TASP1: variants seen among roughly 807,000 people sequenced by gnomAD.
The protein encoded by TASP1 is threonine aspartase 1.
In TASP1, 16 loss-of-function variants were observed where a neutral mutation model predicts 56.6. The observed-to-expected ratio is 0.28, with a 90% CI of 0.19 to 0.43. The LOEUF (loss-of-function observed/expected upper bound fraction) is 0.43, where lower values mean the gene tolerates loss of function less well. TASP1 is among the 20% of genes least tolerant of loss of function. TASP1 has a pLI of 1.00. For synonymous variants in TASP1, 179 were observed against 184.2 expected (o/e 0.97, Z 0.23); for missense variants, 393 against 511.6 (o/e 0.77, Z 2.24).
chr20:13,550,617 C>G (rs550457991), intron 8 of TASP1, among the ~76,000 whole-genome samples: 41 of 152,152 alleles, frequency 2.7e-4, no homozygotes, highest in Middle Eastern at 3.4e-3. Context: ...CTCATATATT[C>G]ATATACTAAT....
the TASP1 span, chr20:13,221,855 T>C: frequency 1.5e-4 from 212 of 1,433,900 alleles, 2 homozygotes; most frequent in East Asian, 5.6e-3. Flanking sequence ...GCTGCGCGGC[T>C]CGGGAGCCGC....
the TASP1 span, among the ~76,000 whole-genome samples, chr20:13,381,368 G>A: frequency 4.0e-4 from 61 of 152,144 alleles, no homozygotes; most frequent in Non-Finnish European, 7.1e-4. Flanking sequence ...GTGAGGCTAC[G>A]TGCCACCCTG....
the TASP1 span, among the ~76,000 whole-genome samples, chr20:13,124,295 G>A: frequency 6.6e-6 from 1 of 151,922 alleles, no homozygotes; most frequent in South Asian, 2.1e-4. Flanking sequence ...ATACTTGCTG[G>A]AAGGAAAGAT....
In TASP1 at chr20:13,412,732, G is replaced by A. The variant is rs79476932; in HGVS notation, c.1170+4716C>T. 1.9e-3 allele frequency among the ~76,000 whole-genome samples: 291 copies of A among 152,176 alleles called. 1 individual carries two copies. The highest frequency in any genetic ancestry group is 3.6e-3 in the Non-Finnish European group (245 of 67,996). Reference sequence around the variant, plus strand: ...AACCATCTTCATGAAGATAAAACATGTTAGAACACAGTAGGTACTATATTG... The same window carrying A: ...AACCATCTTCATGAAGATAAAACATATTAGAACACAGTAGGTACTATATTG... On this transcript the variant is annotated intron_variant, in intron 13 of 13. Coordinates refer to ENST00000337743, the MANE Select transcript of TASP1 (RefSeq NM_017714.3).
chr20:13,364,746 G>A, the TASP1 span, among the ~76,000 whole-genome samples: 11 of 152,184 alleles, frequency 7.2e-5, no homozygotes, highest in Admixed American at 3.3e-4. Flanking sequence ...GGGGTAGTTT[G>A]CTGTTCGTTA....
the TASP1 span, among the ~76,000 whole-genome samples, chr20:13,303,324 G>T: frequency 6.6e-6 from 1 of 152,176 alleles, no homozygotes; most frequent in African/African-American, 2.4e-5. Flanking sequence ...TTATCTCTAT[G>T]TATTTTGCCC....
the TASP1 span, among the ~76,000 whole-genome samples, chr20:13,330,296 T>A: frequency 6.6e-6 from 1 of 152,216 alleles, no homozygotes; most frequent in Non-Finnish European, 1.5e-5. Context: ...GATATAGTCA[T>A]GTGGTTTTCT....
chr20:13,260,992 C>A, the TASP1 span, among the ~76,000 whole-genome samples: 1 of 152,130 alleles, frequency 6.6e-6, no homozygotes, highest in Non-Finnish European at 1.5e-5. Context: ...TCTCACCATT[C>A]AACAGGCTAG....
At chr20:13,602,786 C>T (rs753973986) in intron 4 of TASP1, among the ~76,000 whole-genome samples, 1 of 152,206 alleles carries the variant, frequency 6.6e-6, no homozygotes, top group Admixed American at 6.5e-5. Flanking sequence ...GTAATGCTCA[C>T]TTGCCCACCA....
chr20:13,634,465 C>T (rs995682130), intron 1 of TASP1, among the ~76,000 whole-genome samples: 1 of 152,142 alleles, frequency 6.6e-6, no homozygotes, highest in Admixed American at 6.5e-5. Context: ...TGTGGTGGGT[C>T]ACGCTTGTAA....
downstream of TASP1, among the ~76,000 whole-genome samples, chr20:13,385,993 T>C (rs927128866): frequency 2.0e-5 from 3 of 152,194 alleles, no homozygotes; most frequent in South Asian, 4.1e-4. Flanking sequence ...GCAATGACCA[T>C]GGCCTGCTCT....
the TASP1 span, among the ~76,000 whole-genome samples, chr20:13,341,437 G>A: frequency 1.3e-5 from 2 of 152,288 alleles, no homozygotes; most frequent in Middle Eastern, 6.8e-3. Context: ...CCGTTGGCAA[G>A]TTAACTTCTT....
At chr20:13,330,818 CT>C in the TASP1 span, among the ~76,000 whole-genome samples, 1 of 152,022 alleles carries the variant, frequency 6.6e-6, no homozygotes, top group Non-Finnish European at 1.5e-5. Context: ...CATAGTATTT[CT>C]TTTTTATCTG....
chr20:13,350,287 C>A, the TASP1 span, among the ~76,000 whole-genome samples: 3 of 152,096 alleles, frequency 2.0e-5, no homozygotes, highest in Non-Finnish European at 2.9e-5. Context: ...GAAGACTCAA[C>A]AATATTAAGG....
the TASP1 span, among the ~76,000 whole-genome samples, chr20:13,192,835 T>C: frequency 6.6e-6 from 1 of 152,006 alleles, no homozygotes; most frequent in East Asian, 1.9e-4. Context: ...ATTAAAGGTG[T>C]GAGCCACTAC....
chr20:13,118,569 T>G, the TASP1 span, among the ~76,000 whole-genome samples: 1 of 152,132 alleles, frequency 6.6e-6, no homozygotes, highest in Non-Finnish European at 1.5e-5. Context: ...GCCAGTTATC[T>G]GAACAATGAG....
intron 9 of TASP1, among the ~76,000 whole-genome samples, chr20:13,528,783 A>C (rs1325746266): frequency 6.6e-6 from 1 of 152,104 alleles, no homozygotes; most frequent in Non-Finnish European, 1.5e-5. Flanking sequence ...CCTTCCCTGA[A>C]AAACTTCTCC....
At chr20:13,611,127 T>C (rs2048335215) in intron 4 of TASP1, among the ~76,000 whole-genome samples, 1 of 152,180 alleles carries the variant, frequency 6.6e-6, no homozygotes, top group African/African-American at 2.4e-5. Flanking sequence ...GCCATAAATA[T>C]TATCCACAAA....
the TASP1 span, among the ~76,000 whole-genome samples, chr20:13,360,346 A>T: frequency 7.3e-5 from 11 of 150,714 alleles, no homozygotes; most frequent in Non-Finnish European, 1.5e-4. Flanking sequence ...TACTTCAATC[A>T]AGCCCAAATT....
Sources: allele counts gnomAD v4.1 joint callset (sites outside exome capture counted in the v4.1 genomes callset), GRCh38; gene constraint gnomAD v4.1.1; transcripts MANE v1.5; gene names NCBI Gene and HGNC (gene_info 2026-07-23, HGNC 2026-07-21).